The following KLHL29 variants were observed in gnomAD, a reference collection of about 807,000 sequenced individuals.
KLHL29 encodes kelch-like protein 29.
A neutral mutation model predicts 80.4 loss-of-function variants in KLHL29; 21 were observed. The ratio of observed to expected loss-of-function variants is 0.26; its 90% CI spans 0.19 to 0.38. KLHL29 has a LOEUF of 0.38. KLHL29 is among the 10% of genes least tolerant of loss of function. KLHL29 has a pLI of 1.00. For synonymous variants in KLHL29, 511 were observed against 526.8 expected (o/e 0.97, Z 0.41); for missense variants, 867 against 1,223.9 (o/e 0.71, Z 4.35).
intron 2 of KLHL29, among the ~76,000 whole-genome samples, chr2:23,492,414 C>T (rs1351782695): frequency 6.6e-6 from 1 of 152,196 alleles, no homozygotes; most frequent in African/African-American, 2.4e-5. Context: ...AACCCCTGCA[C>T]CCACCCCCAG....
At chr2:23,543,140 C>T (rs888844825) in intron 2 of KLHL29, among the ~76,000 whole-genome samples, 1 of 152,170 alleles carries the variant, frequency 6.6e-6, no homozygotes, top group South Asian at 2.1e-4. Context: ...TCCTCCTCTG[C>T]AGTGGACAGG....
intron 5 of KLHL29, among the ~76,000 whole-genome samples, chr2:23,679,993 G>A (rs116587446): frequency 2.6e-5 from 4 of 152,178 alleles, no homozygotes; most frequent in South Asian, 4.1e-4. Context: ...GAGGAGGAGC[G>A]GAGGGAACGG....
intron 2 of KLHL29, among the ~76,000 whole-genome samples, chr2:23,517,458 G>A (rs996560342): frequency 2.6e-5 from 4 of 152,290 alleles, no homozygotes; most frequent in East Asian, 1.9e-4. Flanking sequence ...TAGGAGAATC[G>A]CTTGTACCGG....
At position 23,432,840 on chromosome 2, in the gene KLHL29, G is replaced by A. The variant is rs141645548; in HGVS notation, c.-153-42720G>A. On this transcript the variant is annotated intron_variant, in intron 1 of 13. Coordinates refer to ENST00000486442, the MANE Select transcript of KLHL29 (RefSeq NM_052920.2). ...AGAAGTTGAAGTTGGCTGGAGCCAG[G>A]TCACTCAGGTTTCCATTGGCTGCAG... is the stretch of plus-strand genomic sequence containing the variant. Among the ~76,000 whole-genome samples, 4 of 152,364 alleles carry A rather than the reference G, an allele frequency of 2.6e-5. No homozygotes were observed. In the East Asian group the frequency reaches 7.7e-4, roughly 29 times the overall value.
At chr2:23,602,048 G>A (rs116038375) in intron 3 of KLHL29, among the ~76,000 whole-genome samples, 1,861 of 152,292 alleles carry the variant, frequency 0.012, 16 homozygotes, top group Non-Finnish European at 0.017. Context: ...TCACTGCCCT[G>A]GAGAAACTCA....
chr2:23,489,417 C>T (rs1469460104), intron 2 of KLHL29, among the ~76,000 whole-genome samples: 1 of 152,110 alleles, frequency 6.6e-6, no homozygotes, highest in Non-Finnish European at 1.5e-5. Flanking sequence ...TCTATCTGAC[C>T]TGAATCTCCC....
At chr2:23,438,978 C>A (rs1663429450) in intron 1 of KLHL29, among the ~76,000 whole-genome samples, 1 of 146,250 alleles carries the variant, frequency 6.8e-6, no homozygotes, top group African/African-American at 2.6e-5. Context: ...ATTATTGCCA[C>A]AATTTCAGAT....
intron 1 of KLHL29, among the ~76,000 whole-genome samples, chr2:23,413,207 G>C (rs1029763799): frequency 6.6e-6 from 1 of 152,158 alleles, no homozygotes; most frequent in Non-Finnish European, 1.5e-5. Context: ...GCAGCTCCTC[G>C]ACCTCACATT....
intron 3 of KLHL29, among the ~76,000 whole-genome samples, chr2:23,612,652 G>A (rs1319332441): frequency 1.3e-5 from 2 of 152,134 alleles, no homozygotes; most frequent in African/African-American, 4.8e-5. Flanking sequence ...TAAGGCAGGA[G>A]AAATTCTTGA....
intron 3 of KLHL29, among the ~76,000 whole-genome samples, chr2:23,577,743 C>A (rs575830532): frequency 6.7e-6 from 1 of 148,440 alleles, no homozygotes; most frequent in South Asian, 2.1e-4. Context: ...AGCGAAACTT[C>A]ATCTCAAAAA....
intron 3 of KLHL29, among the ~76,000 whole-genome samples, chr2:23,590,484 G>A (rs769062681): frequency 1.3e-5 from 2 of 152,156 alleles, no homozygotes; most frequent in Non-Finnish European, 1.5e-5. Flanking sequence ...GTGGGTTGAC[G>A]TGGAAGACCT....
intron 2 of KLHL29, among the ~76,000 whole-genome samples, chr2:23,486,641 A>G (rs1664939068): frequency 6.6e-6 from 1 of 152,224 alleles, no homozygotes; most frequent in Admixed American, 6.5e-5. Context: ...TAAATAATTC[A>G]TAACCCGAGA....
At chr2:23,429,891 AT>A (rs1393538994) in intron 1 of KLHL29, among the ~76,000 whole-genome samples, 1 of 152,098 alleles carries the variant, frequency 6.6e-6, no homozygotes, top group African/African-American at 2.4e-5. Context: ...TTAAATTTAT[AT>A]TTTTTCAATT....
At chr2:23,526,919 C>G (rs893576145) in intron 2 of KLHL29, among the ~76,000 whole-genome samples, 1 of 152,166 alleles carries the variant, frequency 6.6e-6, no homozygotes, top group African/African-American at 2.4e-5. Flanking sequence ...TAAACATTTA[C>G]CAGTATAGCT....
intron 2 of KLHL29, among the ~76,000 whole-genome samples, chr2:23,490,102 G>A (rs1665053017): frequency 6.6e-6 from 1 of 152,246 alleles, no homozygotes; most frequent in Non-Finnish European, 1.5e-5. Context: ...GGATGCGCGT[G>A]CAGGCGCATA....
chr2:23,631,377 G>A (rs1157249266), intron 3 of KLHL29, among the ~76,000 whole-genome samples: 1 of 152,260 alleles, frequency 6.6e-6, no homozygotes, highest in African/African-American at 2.4e-5. Flanking sequence ...CCCGAAAGCA[G>A]TAATTTAGCA....
chr2:23,461,975 C>CTTTTTTTTTTTTTTTTTTTT (rs1164075132), intron 1 of KLHL29, among the ~76,000 whole-genome samples: 1 of 79,504 alleles, frequency 1.3e-5, no homozygotes. Flanking sequence ...CGGTTTTTGC[C>CTTTTTTTTTTTTTTTTTTTT]ATTTTTTTTT....
intron 2 of KLHL29, among the ~76,000 whole-genome samples, chr2:23,493,601 G>A (rs1355606651): frequency 1.3e-5 from 2 of 151,912 alleles, no homozygotes; most frequent in South Asian, 2.1e-4. Context: ...GACTCTATTC[G>A]AATATGCTAA....
In KLHL29 at chr2:23,680,760, T is replaced by C. The variant is rs4997588; in HGVS notation, c.941-3639T>C. 3.6e-3 allele frequency among the ~76,000 whole-genome samples: 512 copies of C among 142,926 alleles called. 9 individuals carry two copies. The highest frequency in any genetic ancestry group is 0.016 in the East Asian group (79 of 5,000). The allele number at this position is 142,926 out of a possible 152,430, so 93.8% of individuals were successfully genotyped here. A position where few individuals can be genotyped will look rare whatever the true frequency, so the allele number is the denominator to read the frequency against. On this transcript the variant is annotated intron_variant, in intron 5 of 13. Transcript: ENST00000486442. This position sits in a 1 kb window ranked among gnomAD's most constrained non-coding sequence, Gnocchi z 4.1. ...CCCCTGGGGTCTCTAGGCCATCTTC[T>C]CCTGGGGTCTCTAGGCCATCTTCTC...
Sources: gnomAD v4.1 joint callset for allele counts (sites outside exome capture counted in the v4.1 genomes callset) on GRCh38, gnomAD v4.1.1 for gene constraint, Gnocchi (gnomAD v3.1) non-coding constraint, MANE v1.5 for transcripts, NCBI Gene and HGNC (gene_info 2026-07-23, HGNC 2026-07-21) for gene names.